Variants in KCNQ1 observed in about 807,000 individuals in gnomAD.
The protein encoded by KCNQ1 is potassium voltage-gated channel subfamily KQT member 1.
Under a neutral mutation model 72.4 loss-of-function variants are expected in KCNQ1, and 49 were observed. That is an observed-to-expected ratio of 0.68 (90% CI 0.54 to 0.86). KCNQ1 has a LOEUF of 0.86. Ranked by LOEUF, KCNQ1 falls within the 40% of genes least tolerant of loss-of-function variation. KCNQ1 has a pLI of 0.00. For synonymous variants in KCNQ1, 450 were observed against 412.6 expected, an observed-to-expected ratio of 1.09 and a Z score of -1.10; for missense variants, 790 against 945.1, an observed-to-expected ratio of 0.84 and a Z score of 2.15.
chr11:2,699,532 G>A, intron 11 of KCNQ1: 1 of 340,114 alleles, frequency 2.9e-6, no homozygotes, highest in Non-Finnish European at 5.1e-6. Context: ...GCCGCGCTGA[G>A]GAGGCCCAGG....
rs962524131 is a variant in KCNQ1 at position 2,789,510 on chromosome 11, T to C, written c.1794+11473T>C. Among the ~76,000 whole-genome samples, 12 of 152,214 alleles carry C rather than the reference T, an allele frequency of 7.9e-5. 1 individual carries two copies. The highest frequency in any genetic ancestry group is 2.4e-4 in the African/African-American group (10 of 41,452). On this transcript the variant is annotated intron_variant, in intron 15 of 15. Transcript: ENST00000155840. ...ACAGACGAGCTTTTGCCGGCAGTCA[T>C]TGCTCGGGAGGGATATTATTGATGT...
intron 15 of KCNQ1, among the ~76,000 whole-genome samples, chr11:2,834,264 G>A (rs909389235): frequency 4.6e-5 from 7 of 152,258 alleles, no homozygotes; most frequent in Non-Finnish European, 1.0e-4. Context: ...GCATGGTAGT[G>A]TGCCCCTCGA....
intron 2 of KCNQ1, 91 bp from the exon 3 acceptor site, chr11:2,570,537 T>A: frequency 2.6e-6 from 4 of 1,563,492 alleles, no homozygotes; most frequent in Non-Finnish European, 3.5e-6. Flanking sequence ...CAGCGGAGGC[T>A]CCAGCATGGC....
Position 2,445,372 on chromosome 11 carries a change from T to C in KCNQ1, c.274T>C (p.Ser92Pro), listed in dbSNP as rs764455359. 2.5e-6 allele frequency: 4 copies of C among 1,597,558 alleles called. No individual in the cohort carries two copies. In the Admixed American group the frequency reaches 6.7e-5, roughly 27 times the overall value. ...GCCGGTGAGCCTAGACCCGCGCGTC[T>C]CCATCTACAGCACGCGCCGCCCGGT... The part of the protein sequence containing the change: ...RPPVSLDPRV[S>P]IYSTRRPVLA... The change falls in exon 1 of 16, where the codon TCC (serine) becomes CCC (proline). Residue 92 changes from serine to proline, a missense_variant. Physicochemically the swap from Ser to Pro is moderately conservative, Grantham distance 74. Coordinates refer to ENST00000155840, the MANE Select transcript of KCNQ1 (RefSeq NM_000218.3).
chr11:2,754,574 T>G (rs1846271507), intron 11 of KCNQ1, among the ~76,000 whole-genome samples: 1 of 152,194 alleles, frequency 6.6e-6, no homozygotes, highest in Admixed American at 6.5e-5. Context: ...CCTGAAGAGA[T>G]CCATACAAAT....
intron 11 of KCNQ1, among the ~76,000 whole-genome samples, chr11:2,743,775 G>A (rs1011851735): frequency 1.3e-5 from 2 of 152,268 alleles, no homozygotes; most frequent in African/African-American, 4.8e-5. Flanking sequence ...CCTAAAAGGA[G>A]TTGCCCCCAG....
intron 11 of KCNQ1, chr11:2,667,396 C>G (rs1564851526): frequency 5.0e-6 from 2 of 398,724 alleles, no homozygotes; most frequent in Non-Finnish European, 8.8e-6. Context: ...GCACTCTGGC[C>G]AGGCTCAGCC....
At position 2,608,962 on chromosome 11, in the gene KCNQ1, G is replaced by T; in HGVS notation, c.1393+20108G>T. The T allele has an allele frequency of 2.5e-6, 1 of 396,388 alleles. No homozygotes were observed. The highest frequency in any genetic ancestry group is 6.3e-4 in the Middle Eastern group (1 of 1,590). The allele number at this position is 396,388 out of a possible 1,614,324, so 24.6% of individuals were successfully genotyped here. A position where few individuals can be genotyped will look rare whatever the true frequency, so the allele number is the denominator to read the frequency against. ...CCTCTCTCTTACCAATCTATCAAAG[G>T]TTTGTTAATTTCAAAGAACCAAATT... On this transcript the variant is annotated intron_variant, in intron 10 of 15. Coordinates refer to ENST00000155840, the MANE Select transcript of KCNQ1 (RefSeq NM_000218.3). The surrounding 1 kb of genome is among the most constrained non-coding windows in gnomAD (Gnocchi z 4.6).
rs113664460 is a variant in KCNQ1 at position 2,462,790 on chromosome 11, G to A, written c.386+17306G>A. 4.7e-4 allele frequency among the ~76,000 whole-genome samples: 72 copies of A among 152,292 alleles called. 2 individuals carry two copies. The highest frequency in any genetic ancestry group is 1.7e-3 in the African/African-American group (70 of 41,562). On this transcript the variant is annotated intron_variant, in intron 1 of 15. Coordinates refer to ENST00000155840, the MANE Select transcript of KCNQ1 (RefSeq NM_000218.3). The surrounding 1 kb of genome is among the most constrained non-coding windows in gnomAD (Gnocchi z 8.2). ...GTGCCGGGGGCAGGGAAGGCCTGGAGGTTTGAGGAGCAGAAAGTAGACCCT... is the reference window on the plus strand; with the variant it reads ...GTGCCGGGGGCAGGGAAGGCCTGGAAGTTTGAGGAGCAGAAAGTAGACCCT...
At position 2,447,900 on chromosome 11, in the gene KCNQ1, C is replaced by T. The variant is rs1010206385; in HGVS notation, c.386+2416C>T. 2.0e-5 allele frequency among the ~76,000 whole-genome samples: 3 copies of T among 152,194 alleles called. No homozygotes were observed. The South Asian group carries it at 6.2e-4, about 31-fold the overall frequency. ...GGGGAAGCCAGCCAGGATATCCTGTCCCCTCCTCGGGGAACCCCCCCTCCC... is the reference window on the plus strand; with the variant it reads ...GGGGAAGCCAGCCAGGATATCCTGTTCCCTCCTCGGGGAACCCCCCCTCCC... On this transcript the variant is annotated intron_variant, in intron 1 of 15. Coordinates refer to ENST00000155840, the MANE Select transcript of KCNQ1 (RefSeq NM_000218.3). This position sits in a 1 kb window ranked among gnomAD's most constrained non-coding sequence, Gnocchi z 7.6.
intron 11 of KCNQ1, chr11:2,666,453 T>A: frequency 2.5e-6 from 1 of 398,718 alleles, no homozygotes. Flanking sequence ...AACTTTCTCC[T>A]GGACCCTGCA....
chr11:2,651,718 C>G lies in KCNQ1; in HGVS notation c.1394-10243C>G, dbSNP rs1055703734. 6 of 398,482 alleles carry G rather than the reference C, an allele frequency of 1.5e-5. No homozygotes were observed. Among genetic ancestry groups the G allele is most frequent in the South Asian group, 1.3e-4 (1 of 7,858 alleles). The allele number at this position is 398,482 out of a possible 1,614,324, so 24.7% of individuals were successfully genotyped here. On this transcript the variant is annotated intron_variant, in intron 10 of 15. Coordinates refer to ENST00000155840, the MANE Select transcript of KCNQ1 (RefSeq NM_000218.3). The surrounding 1 kb of genome is among the most constrained non-coding windows in gnomAD (Gnocchi z 6.1). ...AATAGGCCATTTCCTAAGTAAGCAT[C>G]ATCCTCATTTCTATACGTTTTCTCT...
In KCNQ1 at chr11:2,573,770, G is replaced by C. The variant is rs977183375; in HGVS notation, c.921+784G>C. On this transcript the variant is annotated intron_variant, in intron 6 of 15. Transcript: ENST00000155840. ...GAGGCTGTGCGGGAGGGGTGGGGCAGGGTGTCTTGGGCCGTGTCTGTGGGG... is the reference window on the plus strand; with the variant it reads ...GAGGCTGTGCGGGAGGGGTGGGGCACGGTGTCTTGGGCCGTGTCTGTGGGG... 2.0e-5 allele frequency among the ~76,000 whole-genome samples: 3 copies of C among 152,244 alleles called. No homozygotes were observed. The East Asian group carries it at 5.8e-4, about 29-fold the overall frequency.
At chr11:2,771,448 G>C (rs1004359241) in intron 12 of KCNQ1, 1 of 152,226 alleles carries the variant, frequency 6.6e-6, no homozygotes. Context: ...TTGAATACCT[G>C]GGAGTTGCAG....
At chr11:2,540,324 T>C (rs1408376728) in intron 2 of KCNQ1, among the ~76,000 whole-genome samples, 3 of 152,186 alleles carry the variant, frequency 2.0e-5, no homozygotes, top group African/African-American at 7.2e-5. Flanking sequence ...CCGTGCACCA[T>C]TGAAGTGTGT....
intron 15 of KCNQ1, among the ~76,000 whole-genome samples, chr11:2,837,798 G>A (rs1040383461): frequency 6.6e-6 from 1 of 152,246 alleles, no homozygotes; most frequent in African/African-American, 2.4e-5. Flanking sequence ...AGGAACCAGA[G>A]GAAACCGGCT....
chr11:2,537,065 T>C lies in KCNQ1; in HGVS notation c.477+9047T>C, dbSNP rs1847744947. ...CTGTGACCCCCCTCCTAACTGATCA[T>C]ATCTGCAGGGACCCCATTTCCAAAC... On this transcript the variant is annotated intron_variant, in intron 2 of 15. Transcript: ENST00000155840. The surrounding 1 kb of genome is among the most constrained non-coding windows in gnomAD (Gnocchi z 5.2). 6.6e-6 allele frequency among the ~76,000 whole-genome samples: 1 copy of C among 151,946 alleles called. No homozygotes were observed. Among genetic ancestry groups the C allele is most frequent in the Non-Finnish European group, 1.5e-5 (1 of 68,016 alleles).
chr11:2,456,717 C>T lies in KCNQ1; in HGVS notation c.386+11233C>T, dbSNP rs181578787. Among the ~76,000 whole-genome samples the T allele has an allele frequency of 3.0e-3, 422 of 142,524 alleles. 5 individuals carry two copies. Among genetic ancestry groups the T allele is most frequent in the African/African-American group, 0.01 (384 of 37,532 alleles). 93.5% of individuals were successfully genotyped at this position (142,524 alleles called of 152,430 possible). ...TGGGCAGATCACCAGGTCAGGAGATCGAGACCATCCTGGCTAACATGGTGA... is the reference window on the plus strand; with the variant it reads ...TGGGCAGATCACCAGGTCAGGAGATTGAGACCATCCTGGCTAACATGGTGA... On this transcript the variant is annotated intron_variant, in intron 1 of 15. Coordinates refer to ENST00000155840, the MANE Select transcript of KCNQ1 (RefSeq NM_000218.3).
chr11:2,650,989 T>C (rs1435880140), intron 10 of KCNQ1: 3 of 398,588 alleles, frequency 7.5e-6, no homozygotes, highest in African/African-American at 6.2e-5. Context: ...ATCAACTCTC[T>C]GGATTTGCCC....
Sources: allele counts gnomAD v4.1 joint callset (sites outside exome capture counted in the v4.1 genomes callset), GRCh38; gene constraint gnomAD v4.1.1; non-coding constraint Gnocchi (gnomAD v3.1); transcripts MANE v1.5; gene names NCBI Gene and HGNC (gene_info 2026-07-23, HGNC 2026-07-21).